FAM114A1: variants seen among roughly 807,000 people sequenced by gnomAD.
The protein encoded by FAM114A1 is protein NOXP20.
FAM114A1 carries 62 observed loss-of-function variants against 64.3 expected under a neutral mutation model. The observed-to-expected ratio is 0.96, with a 90% CI of 0.79 to 1.19. The LOEUF (loss-of-function observed/expected upper bound fraction) is 1.19, where lower values mean the gene tolerates loss of function less well. Among genes scored for constraint, FAM114A1 ranks in the 50% most tolerant of loss-of-function variants. The pLI is 0.00. For missense variants in FAM114A1, 645 were observed against 676.3 expected (o/e 0.95, Z 0.51); for synonymous variants, 254 against 251.1 (o/e 1.01, Z -0.11).
intron 4 of FAM114A1, among the ~76,000 whole-genome samples, chr4:38,895,025 G>T (rs924757476): frequency 6.6e-6 from 1 of 152,146 alleles, no homozygotes; most frequent in African/African-American, 2.4e-5. Flanking sequence ...AATGGAAGTT[G>T]TTCCTCGCTT....
chr4:38,886,313 A>G (rs1454340437), intron 3 of FAM114A1, among the ~76,000 whole-genome samples: 1 of 151,634 alleles, frequency 6.6e-6, no homozygotes. Context: ...CCGGGATTAC[A>G]GCATGCGCCA....
chr4:38,939,343 G>GAAACA (rs1721396346), intron 13 of FAM114A1, among the ~76,000 whole-genome samples: 1 of 152,166 alleles, frequency 6.6e-6, no homozygotes, highest in Non-Finnish European at 1.5e-5. Context: ...TTTACATCAA[G>GAAACA]TCAGTGTTTC....
intron 3 of FAM114A1, among the ~76,000 whole-genome samples, chr4:38,890,332 G>T (rs1240666920): frequency 6.6e-6 from 1 of 151,738 alleles, no homozygotes; most frequent in Non-Finnish European, 1.5e-5. Context: ...GAACCCGGGA[G>T]GTGGAGCTTG....
At chr4:38,927,742 G>A (rs1720256425) in intron 9 of FAM114A1, among the ~76,000 whole-genome samples, 1 of 152,178 alleles carries the variant, frequency 6.6e-6, no homozygotes, top group Non-Finnish European at 1.5e-5. Flanking sequence ...AGAGTGCAGT[G>A]GCATGATCTC....
chr4:38,877,619 G>A (rs920917188), intron 2 of FAM114A1, among the ~76,000 whole-genome samples: 2 of 152,142 alleles, frequency 1.3e-5, no homozygotes, highest in African/African-American at 4.8e-5. Context: ...CTGGTACAAG[G>A]AATAATGCAG....
Position 38,943,807 on chromosome 4 carries a change from A to C in FAM114A1, c.*250A>C. 1 of 322,330 alleles carries C rather than the reference A, an allele frequency of 3.1e-6. No homozygotes were observed. Among genetic ancestry groups the C allele is most frequent in the East Asian group, 5.3e-5 (1 of 18,872 alleles). The allele number at this position is 322,330 out of a possible 1,614,324, so 20.0% of individuals were successfully genotyped here. A position where few individuals can be genotyped will look rare whatever the true frequency, so the allele number is the denominator to read the frequency against. ...TAAACTTACACAGCTTATATTGAAA[A>C]TTTCCTTTCATCTGAAATTTATTTA... On this transcript the variant is annotated 3_prime_UTR_variant, in exon 15 of 15. Transcript: ENST00000358869.
At chr4:38,930,277 T>TTC (rs151238656) in intron 10 of FAM114A1, among the ~76,000 whole-genome samples, 8 of 151,990 alleles carry the variant, frequency 5.3e-5, no homozygotes, top group African/African-American at 1.4e-4. Flanking sequence ...TGTTTTTCCA[T>TTC]TCTCTCTCTC....
At chr4:38,891,964 A>T in intron 4 of FAM114A1, 134 bp downstream of exon 4, 2 of 650,156 alleles carry the variant, frequency 3.1e-6, no homozygotes, top group Non-Finnish European at 4.7e-6. Flanking sequence ...TACTATTCTA[A>T]GTGCTTCATT....
intron 14 of FAM114A1, 53 bp downstream of exon 14, chr4:38,941,074 T>TA: frequency 3.6e-6 from 5 of 1,373,922 alleles, no homozygotes; most frequent in South Asian, 1.3e-5. Context: ...ATGTTAGAAC[T>TA]ACTTTTTTTT....
intron 8 of FAM114A1, among the ~76,000 whole-genome samples, chr4:38,922,227 A>G (rs1020597649): frequency 6.6e-6 from 1 of 152,248 alleles, no homozygotes; most frequent in Non-Finnish European, 1.5e-5. Context: ...GGCGTGAGCC[A>G]CCGCGTCTGG....
intron 3 of FAM114A1, among the ~76,000 whole-genome samples, chr4:38,880,913 G>A (rs183068954): frequency 2.6e-4 from 39 of 152,290 alleles, no homozygotes; most frequent in African/African-American, 9.1e-4. Context: ...GGCCGGGCAC[G>A]GTGGCTCATG....
chr4:38,895,189 C>T (rs1418262911), intron 4 of FAM114A1, among the ~76,000 whole-genome samples: 1 of 152,168 alleles, frequency 6.6e-6, no homozygotes, highest in East Asian at 1.9e-4. Flanking sequence ...TCAGCTGGCA[C>T]CTCTGCTTTG....
chr4:38,909,984 G>A (rs560019815), intron 7 of FAM114A1, among the ~76,000 whole-genome samples: 10 of 152,288 alleles, frequency 6.6e-5, no homozygotes, highest in African/African-American at 2.2e-4. Flanking sequence ...GGTAATCCCA[G>A]CACTTTGAGA....
At chr4:38,924,774 C>T (rs1478719298) in intron 9 of FAM114A1, among the ~76,000 whole-genome samples, 2 of 152,134 alleles carry the variant, frequency 1.3e-5, no homozygotes, top group Non-Finnish European at 2.9e-5. Flanking sequence ...TCATGTAGCT[C>T]GCCTTGTGGA....
intron 8 of FAM114A1, among the ~76,000 whole-genome samples, chr4:38,919,682 A>G (rs990549130): frequency 4.6e-5 from 7 of 152,156 alleles, no homozygotes; most frequent in Non-Finnish European, 7.3e-5. Context: ...ACATCAGCAT[A>G]AGGAGAGAGA....
At chr4:38,926,697 C>A (rs969285539) in intron 9 of FAM114A1, among the ~76,000 whole-genome samples, 1 of 152,154 alleles carries the variant, frequency 6.6e-6, no homozygotes, top group Admixed American at 6.5e-5. Flanking sequence ...CTCAAGTGAT[C>A]CAACCACGTT....
rs374289850 is a variant in FAM114A1, at chr4:38,905,986, G to T, written c.657+125G>T. ...GCCTTGCTCAGAACTTTGGATTATG[G>T]TTTTTTTTTTAATGTTTTCTGCTAC... On this transcript the variant is annotated intron_variant, in intron 6 of 14. Transcript: ENST00000358869. 3.8e-3 allele frequency: 2,471 copies of T among 652,630 alleles called. 24 individuals carry two copies. Among genetic ancestry groups the T allele is most frequent in the African/African-American group, 0.025 (1,280 of 52,050 alleles). The allele number at this position is 652,630 out of a possible 1,614,324, so 40.4% of individuals were successfully genotyped here. A position where few individuals can be genotyped will look rare whatever the true frequency, so the allele number is the denominator to read the frequency against.
chr4:38,885,811 G>A (rs1037474827), intron 3 of FAM114A1, among the ~76,000 whole-genome samples: 1 of 152,064 alleles, frequency 6.6e-6, no homozygotes, highest in African/African-American at 2.4e-5. Flanking sequence ...ATATTTTATT[G>A]GAATGCTGAC....
intron 3 of FAM114A1, among the ~76,000 whole-genome samples, chr4:38,880,084 A>T (rs1314818301): frequency 1.6e-5 from 1 of 61,098 alleles, no homozygotes; most frequent in Non-Finnish European, 4.8e-5. Flanking sequence ...TAAATAAAAT[A>T]AAATAAAATA....
Sources: allele counts gnomAD v4.1 joint callset (sites outside exome capture counted in the v4.1 genomes callset), GRCh38; gene constraint gnomAD v4.1.1; transcripts MANE v1.5; gene names NCBI Gene and HGNC (gene_info 2026-07-23, HGNC 2026-07-21).